The following MTA3 variants were observed in gnomAD, a reference collection of about 807,000 sequenced individuals.
MTA3 encodes metastasis associated 1 family member 3, also known as metastasis-associated protein MTA3.
A neutral mutation model predicts 83.5 loss-of-function variants in MTA3; 34 were observed. The observed-to-expected ratio is 0.41, with a 90% CI of 0.31 to 0.54. MTA3 has a LOEUF of 0.54. MTA3 is among the 20% of genes least tolerant of loss of function. The probability of loss-of-function intolerance (pLI) is 0.33; values close to 1 mark genes in which losing one functional copy is unlikely to be tolerated. For synonymous variants in MTA3, 303 were observed against 252.7 expected (o/e 1.20, Z -1.89); for missense variants, 761 against 726.4 (o/e 1.05, Z -0.55).
chr2:42,558,558 A>C (rs1025488124), intron 2 of MTA3, among the ~76,000 whole-genome samples: 2 of 143,040 alleles, frequency 1.4e-5, no homozygotes, highest in Non-Finnish European at 3.0e-5. Flanking sequence ...CCTTTAAAAA[A>C]ATTTTTTTTT....
intron 14 of MTA3, among the ~76,000 whole-genome samples, chr2:42,717,827 A>C (rs185229349): frequency 5.3e-5 from 8 of 152,362 alleles, no homozygotes; most frequent in Admixed American, 3.9e-4. Context: ...ATGGCCAAGT[A>C]TGGCCCATCT....
chr2:42,745,949 G>A (rs1669381825), intron 16 of MTA3, among the ~76,000 whole-genome samples: 1 of 151,520 alleles, frequency 6.6e-6, no homozygotes, highest in South Asian at 2.1e-4. Flanking sequence ...GAGTAGCTGG[G>A]ATTACAGCCA....
At chr2:42,500,386 G>A (rs1674342350) in intron 2 of MTA3, among the ~76,000 whole-genome samples, 1 of 151,962 alleles carries the variant, frequency 6.6e-6, no homozygotes, top group African/African-American at 2.4e-5. Flanking sequence ...GTGACAGAGT[G>A]AGATTCCATC....
chr2:42,636,860 C>T (rs1267575259), intron 4 of MTA3, among the ~76,000 whole-genome samples: 3 of 152,016 alleles, frequency 2.0e-5, no homozygotes, highest in East Asian at 1.9e-4. Flanking sequence ...CTCCTGACCT[C>T]GTGACCCGCC....
chr2:42,644,434 A>G (rs1231670535), intron 6 of MTA3, among the ~76,000 whole-genome samples, 190 bp downstream of exon 6: 1 of 152,194 alleles, frequency 6.6e-6, no homozygotes, highest in Admixed American at 6.5e-5. Flanking sequence ...CTATGTTGCC[A>G]AGGCTGGTCT....
chr2:42,749,468 T>G (rs1048333318), intron 16 of MTA3, among the ~76,000 whole-genome samples: 2 of 152,166 alleles, frequency 1.3e-5, no homozygotes, highest in Non-Finnish European at 2.9e-5. Context: ...TTTAAAAAAA[T>G]TATTTTATTG....
chr2:42,686,243 G>A (rs76895606), intron 9 of MTA3, among the ~76,000 whole-genome samples: 3,352 of 152,272 alleles, frequency 0.022, 50 homozygotes, highest in African/African-American at 0.039. Context: ...ACATATTTGG[G>A]TATAGATATT....
intron 12 of MTA3, among the ~76,000 whole-genome samples, chr2:42,705,784 A>T (rs755630541): frequency 6.6e-6 from 1 of 151,962 alleles, no homozygotes; most frequent in Non-Finnish European, 1.5e-5. Flanking sequence ...TTATTCTGTT[A>T]TTTTTATGTG....
intron 4 of MTA3, among the ~76,000 whole-genome samples, chr2:42,629,422 T>C (rs951616584): frequency 5.3e-5 from 8 of 152,142 alleles, no homozygotes; most frequent in South Asian, 2.1e-4. Context: ...AGAAAACTTA[T>C]GACATGCCCT....
At chr2:42,710,845 G>C (rs865990616) in intron 14 of MTA3, among the ~76,000 whole-genome samples, 1 of 152,106 alleles carries the variant, frequency 6.6e-6, no homozygotes, top group East Asian at 1.9e-4. Flanking sequence ...TTGGGAGGCC[G>C]AAGTGGGCAG....
At chr2:42,561,546 C>T (rs779398722) in intron 2 of MTA3, among the ~76,000 whole-genome samples, 5 of 152,126 alleles carry the variant, frequency 3.3e-5, no homozygotes, top group Non-Finnish European at 7.3e-5. Context: ...TGGTCTCAAA[C>T]TCCTGACATC....
At chr2:42,746,845 GCT>G (rs2104595713) in intron 16 of MTA3, among the ~76,000 whole-genome samples, 1 of 152,340 alleles carries the variant, frequency 6.6e-6, no homozygotes, top group South Asian at 2.1e-4. Flanking sequence ...CTCTCCAGAA[GCT>G]CTCCAAACTC....
At chr2:42,596,968 G>T (rs1016222209) in intron 3 of MTA3, among the ~76,000 whole-genome samples, 1 of 151,714 alleles carries the variant, frequency 6.6e-6, no homozygotes, top group Non-Finnish European at 1.5e-5. Context: ...GCAGTGGTGC[G>T]ATCTTGGCTC....
chr2:42,656,012 T>G (rs1689140865), intron 6 of MTA3, among the ~76,000 whole-genome samples, 188 bp from the exon 7 acceptor site: 1 of 152,252 alleles, frequency 6.6e-6, no homozygotes, highest in South Asian at 2.1e-4. Context: ...TCGGTTAGTT[T>G]GGTGTCATTA....
At chr2:42,686,658 C>T (rs1205923793) in intron 9 of MTA3, among the ~76,000 whole-genome samples, 1 of 152,046 alleles carries the variant, frequency 6.6e-6, no homozygotes, top group Non-Finnish European at 1.5e-5. Flanking sequence ...AACCCTGTGT[C>T]TACTAAAAAT....
chr2:42,496,012 A>T (rs191912114), intron 2 of MTA3, among the ~76,000 whole-genome samples: 10 of 152,344 alleles, frequency 6.6e-5, no homozygotes, highest in African/African-American at 2.4e-4. Context: ...GGAAGCCGTT[A>T]AAAAATACTT....
At chr2:42,532,312 A>G (rs1165937995) in intron 2 of MTA3, among the ~76,000 whole-genome samples, 1 of 152,180 alleles carries the variant, frequency 6.6e-6, no homozygotes. Context: ...GTAGTTCAAG[A>G]CTAGCCTGAT....
At chr2:42,696,672 G>A (rs1286907303) in intron 10 of MTA3, among the ~76,000 whole-genome samples, 5 of 152,148 alleles carry the variant, frequency 3.3e-5, no homozygotes, top group South Asian at 2.1e-4. Flanking sequence ...TTGGGAGGCC[G>A]AGGCAGGAGG....
chr2:42,623,612 G>T (rs1685786148), intron 4 of MTA3, among the ~76,000 whole-genome samples: 1 of 150,240 alleles, frequency 6.7e-6, no homozygotes, highest in South Asian at 2.1e-4. Flanking sequence ...CTGGGATTTT[G>T]TTTCCTTTTC....
Sources: gnomAD v4.1 joint callset for allele counts (sites outside exome capture counted in the v4.1 genomes callset) on GRCh38, gnomAD v4.1.1 for gene constraint, MANE v1.5 for transcripts, NCBI Gene and HGNC (gene_info 2026-07-23, HGNC 2026-07-21) for gene names.